The following PHF3 variants were observed in gnomAD, a reference collection of about 807,000 sequenced individuals.
PHF3 encodes the protein PHD finger protein 3.
PHF3 carries 41 observed loss-of-function variants against 178.4 expected under a neutral mutation model. The observed-to-expected ratio is 0.23, with a 90% confidence interval of 0.18 to 0.30. The LOEUF is 0.30. Among genes scored for constraint, PHF3 ranks in the 10% least tolerant of loss-of-function variants. The pLI, the probability that PHF3 is intolerant of heterozygous loss-of-function variation, is 1.00. For synonymous variants in PHF3, 842 were observed against 800.5 expected, an observed-to-expected ratio of 1.05 and a Z score of -0.88; for missense variants, 2,346 against 2,398.1, an observed-to-expected ratio of 0.98 and a Z score of 0.45.
rs759209876 is a variant in PHF3, at chr6:63,721,345, T to TTGTGCCA, written c.*7639_*7645dup. On this transcript the variant is annotated 3_prime_UTR_variant, in exon 16 of 16. Coordinates refer to ENST00000262043, the MANE Select transcript of PHF3 (RefSeq NM_001370348.2). ...TCTGGCAAACATCTGCAAGAAAAAG[T>TTGTGCCA]TGTGCCATTTACTGTACATTCACCT... The TTGTGCCA allele has an allele frequency of 3.9e-6, 6 of 1,551,882 alleles. No individual in the cohort carries two copies. In the South Asian group the frequency reaches 7.1e-5, roughly 18 times the overall value.
rs773825744 is a variant in PHF3, at chr6:63,646,710, T to A, written c.159T>A (p.Asp53Glu). ...DSLKNMLSDKDPMLGSASNQF... is the reference protein window; with the variant it reads ...DSLKNMLSDKEPMLGSASNQF... ...TGAAGAACATGCTCAGCGATAAGGA[T>A]CCTATGCTAGGATCTGCAAGTAACC... The change falls in exon 2 of 16, where the codon GAT becomes GAA. Residue 53 changes from aspartate (D) to glutamate (E), a missense_variant. Asp to Glu is a conservative substitution (Grantham distance 45). Around this residue, in one of 8 missense-constraint regions of PHF3, gnomAD observed 843 missense variants for 795.2 expected, o/e 1.06. Coordinates refer to ENST00000262043, the MANE Select transcript of PHF3 (RefSeq NM_001370348.2). 1 of 1,613,472 alleles carries A rather than the reference T, an allele frequency of 6.2e-7. No homozygotes were observed.
intron 13 of PHF3, among the ~76,000 whole-genome samples, chr6:63,707,230 A>AT (rs1180826528): frequency 5.9e-5 from 9 of 152,216 alleles, no homozygotes; most frequent in Non-Finnish European, 1.2e-4. Flanking sequence ...CACATTAAGA[A>AT]TTTTTTGTTA....
At chr6:63,688,588 G>A (rs1766854922) in intron 4 of PHF3, among the ~76,000 whole-genome samples, 1 of 151,778 alleles carries the variant, frequency 6.6e-6, no homozygotes, top group Non-Finnish European at 1.5e-5. Flanking sequence ...GCCCGCCTCA[G>A]CCTCCCAAAG....
At chr6:63,700,028 C>T (rs1398451568) in intron 8 of PHF3, among the ~76,000 whole-genome samples, 2 of 152,100 alleles carry the variant, frequency 1.3e-5, no homozygotes, top group African/African-American at 4.8e-5. Context: ...TGATGCAGTA[C>T]CTCGCTATAC....
At chr6:63,653,657 T>C (rs1273578685) in intron 2 of PHF3, among the ~76,000 whole-genome samples, 1 of 152,166 alleles carries the variant, frequency 6.6e-6, no homozygotes, top group Non-Finnish European at 1.5e-5. Context: ...GCTTAATTGC[T>C]TGGGCTAGGA....
chr6:63,706,887 C>A lies in PHF3; in HGVS notation c.3711+11C>A, dbSNP rs1323202954. ...GAATACCTGACAGAGGTACTGTGAA[C>A]TTTTCTGCTTTTCTGTGCATGAATT... is the stretch of plus-strand genomic sequence containing the variant. On this transcript the variant is annotated intron_variant, in intron 13 of 15. Transcript: ENST00000262043. 2 of 1,610,494 alleles carry A rather than the reference C, an allele frequency of 1.2e-6. No individual in the cohort carries two copies. Among genetic ancestry groups the A allele is most frequent in the African/African-American group, 2.7e-5 (2 of 74,862 alleles).
At chr6:63,638,967 A>T (rs1223546758) in intron 1 of PHF3, among the ~76,000 whole-genome samples, 1 of 152,150 alleles carries the variant, frequency 6.6e-6, no homozygotes, top group Non-Finnish European at 1.5e-5. Context: ...TTCTATTCTC[A>T]GTAAAGATAT....
At position 63,685,325 on chromosome 6, in the gene PHF3, C is replaced by T; in HGVS notation, c.1603C>T (p.Pro535Ser). 1 of 1,613,786 alleles carries T rather than the reference C, an allele frequency of 6.2e-7. No individual in the cohort carries two copies. Among genetic ancestry groups the T allele is most frequent in the Non-Finnish European group, 8.5e-7 (1 of 1,179,922 alleles). Residue 535 changes from proline to serine, a missense_variant, in exon 4 of 16, where the codon CCA becomes TCA. By Grantham distance (74) the Pro-to-Ser change is moderately conservative. This residue lies in a region of PHF3 where 843 missense variants were observed against 795.2 expected (regional missense o/e 1.06). Coordinates refer to ENST00000262043, the MANE Select transcript of PHF3 (RefSeq NM_001370348.2). ...AAGTGTGAAACGAAATACTGATGTA[C>T]CAGAATCTCAGCAAAATTTTCATAG... ...VKSVKRNTDV[P>S]ESQQNFHRPV...
intron 5 of PHF3, among the ~76,000 whole-genome samples, chr6:63,694,128 G>T (rs1349673654): frequency 6.6e-6 from 1 of 152,134 alleles, no homozygotes; most frequent in East Asian, 1.9e-4. Context: ...AGTTTTACTG[G>T]TAATTCTTTG....
At position 63,638,893 on chromosome 6, in the gene PHF3, A is replaced by C. The variant is rs142038823; in HGVS notation, c.-26+2743A>C. 1.2e-3 allele frequency among the ~76,000 whole-genome samples: 187 copies of C among 152,220 alleles called. 1 individual carries two copies. Among genetic ancestry groups the C allele is most frequent in the Admixed American group, 8.6e-3 (132 of 15,302 alleles). Reference sequence around the variant, plus strand: ...AATATTCTTTAATTGTTGCCCTTTGATTACACATGGAAAGATATTGAGAGT... The same window carrying C: ...AATATTCTTTAATTGTTGCCCTTTGCTTACACATGGAAAGATATTGAGAGT... On this transcript the variant is annotated intron_variant, in intron 1 of 15. Coordinates refer to ENST00000262043, the MANE Select transcript of PHF3 (RefSeq NM_001370348.2).
At position 63,717,063 on chromosome 6, in the gene PHF3, T is replaced by C. The variant is rs1383603932; in HGVS notation, c.*3355T>C. On this transcript the variant is annotated 3_prime_UTR_variant, in exon 16 of 16. Coordinates refer to ENST00000262043, the MANE Select transcript of PHF3 (RefSeq NM_001370348.2). ...TTATTGTGGGTGAATTAATCTGAAA[T>C]CTTTATAGAATAGCTAAGGCTATAG... Among the ~76,000 whole-genome samples the C allele has an allele frequency of 6.6e-6, 1 of 152,066 alleles. No individual in the cohort carries two copies. Among genetic ancestry groups the C allele is most frequent in the Non-Finnish European group, 1.5e-5 (1 of 67,994 alleles).
intron 2 of PHF3, among the ~76,000 whole-genome samples, chr6:63,660,264 A>C (rs1221763930): frequency 6.6e-6 from 1 of 151,984 alleles, no homozygotes; most frequent in Non-Finnish European, 1.5e-5. Context: ...GCCTTTGATA[A>C]ATGCCAACAG....
In PHF3 at chr6:63,680,142, A is replaced by T. The variant is rs745768942; in HGVS notation, c.387A>T (p.Ser129=). 5.0e-6 allele frequency: 8 copies of T among 1,608,138 alleles called. No individual in the cohort carries two copies. The highest frequency in any genetic ancestry group is 6.8e-6 in the Non-Finnish European group (8 of 1,177,610). The change falls in exon 3 of 16, where the codon TCA becomes TCT. Residue 129 remains serine (S), a synonymous_variant. Coordinates refer to ENST00000262043, the MANE Select transcript of PHF3 (RefSeq NM_001370348.2). ...EENSVRSPRK[S]PRLMAQEQVR... is the part of the protein sequence containing the mutation. ...ATTCAGTGAGATCTCCAAGAAAATC[A>T]CCTCGTTTAATGGCACAAGGTAATC... is the stretch of plus-strand genomic sequence containing the variant.
At chr6:63,640,170 G>A (rs1446590192) in intron 1 of PHF3, among the ~76,000 whole-genome samples, 1 of 152,168 alleles carries the variant, frequency 6.6e-6, no homozygotes, top group African/African-American at 2.4e-5. Flanking sequence ...TTTGAAGTGG[G>A]GGTGTAGAGT....
chr6:63,713,306 A>C lies in PHF3; in HGVS notation c.5718A>C (p.Gln1906His), dbSNP rs201044241. ...GTGACCCTTGGGGTAGGCAAGACCA[A>C]CAGCAACTGGATAGGCCATTTAATA... ...RHSDPWGRQDQQQLDRPFNRG... is the reference protein window; with the variant it reads ...RHSDPWGRQDHQQLDRPFNRG... The change falls in exon 16 of 16, where the codon CAA becomes CAC. Residue 1906 changes from glutamine to histidine, a missense_variant. This residue lies in a region of PHF3 where 839 missense variants were observed against 806.9 expected (regional missense o/e 1.04). Transcript: ENST00000262043. The C allele has an allele frequency of 2.2e-5, 35 of 1,614,058 alleles. No individual in the cohort carries two copies. Among genetic ancestry groups the C allele is most frequent in the Non-Finnish European group, 3.0e-5 (35 of 1,179,988 alleles).
chr6:63,682,895 A>T (rs1363935196), intron 3 of PHF3, among the ~76,000 whole-genome samples: 1 of 152,044 alleles, frequency 6.6e-6, no homozygotes, highest in African/African-American at 2.4e-5. Context: ...AAAATCCTTC[A>T]TTTGTTTCAT....
rs1026834780 is a variant in PHF3, at chr6:63,715,734, G to A, written c.*2026G>A. ...GGGGTTAGAGGCAGATCTTGTAACC[G>A]CTGATTGACTGAAACATTTTATGGA... On this transcript the variant is annotated 3_prime_UTR_variant, in exon 16 of 16. Coordinates refer to ENST00000262043, the MANE Select transcript of PHF3 (RefSeq NM_001370348.2). 1.3e-5 allele frequency among the ~76,000 whole-genome samples: 2 copies of A among 151,994 alleles called. No homozygotes were observed. Among genetic ancestry groups the A allele is most frequent in the Non-Finnish European group, 2.9e-5 (2 of 68,006 alleles).
intron 1 of PHF3, 120 bp from the exon 2 acceptor site, chr6:63,646,407 C>G: frequency 1.7e-6 from 1 of 573,570 alleles, no homozygotes; most frequent in Non-Finnish European, 2.8e-6. Context: ...TTTTTTTAAA[C>G]AACAATTCAG....
chr6:63,713,432 C>G lies in PHF3; in HGVS notation c.5844C>G (p.Arg1948=). 1.2e-6 allele frequency: 2 copies of G among 1,613,830 alleles called. No homozygotes were observed. Among genetic ancestry groups the G allele is most frequent in the Non-Finnish European group, 1.7e-6 (2 of 1,179,928 alleles). ...EWEQESERHR[R]RDRSQDKDRD... is the part of the protein sequence containing the mutation. ...AGCAAGAATCTGAAAGGCATAGACGCAGAGACAGAAGCCAAGACAAGGACA... is the reference window on the plus strand; with the variant it reads ...AGCAAGAATCTGAAAGGCATAGACGGAGAGACAGAAGCCAAGACAAGGACA... The change falls in exon 16 of 16, where the codon CGC becomes CGG. Residue 1948 remains arginine, a synonymous_variant. Transcript: ENST00000262043.
Sources: gnomAD v4.1 joint callset for allele counts (sites outside exome capture counted in the v4.1 genomes callset) on GRCh38, gnomAD v4.1.1 for gene constraint, gnomAD v4.1.1 regional missense constraint, MANE v1.5 for transcripts, NCBI Gene and HGNC (gene_info 2026-07-23, HGNC 2026-07-21) for gene names.